FILIP1: variants seen among roughly 807,000 people sequenced by gnomAD.
FILIP1 encodes filamin-A-interacting protein 1.
In FILIP1, 61 loss-of-function variants were observed where a neutral mutation model predicts 102.1. The observed-to-expected ratio is 0.60, with a 90% CI of 0.49 to 0.74. The LOEUF (loss-of-function observed/expected upper bound fraction) is 0.74, where lower values mean the gene tolerates loss of function less well. Ranked by LOEUF, FILIP1 falls within the 30% of genes least tolerant of loss-of-function variation. FILIP1 has a pLI of 0.00. For missense variants in FILIP1, 1,314 were observed against 1,441.2 expected, an observed-to-expected ratio of 0.91 and a Z score of 1.43; for synonymous variants, 491 against 526.9, an observed-to-expected ratio of 0.93 and a Z score of 0.93.
At chr6:75,449,945 T>G (rs1401748853) in intron 1 of FILIP1, among the ~76,000 whole-genome samples, 1 of 152,086 alleles carries the variant, frequency 6.6e-6, no homozygotes, top group South Asian at 2.1e-4. Flanking sequence ...ACAATTTTCT[T>G]TTTTTAGAGA....
At chr6:75,298,059 A>G (rs1772732339) in intron 6 of FILIP1, among the ~76,000 whole-genome samples, 1 of 152,168 alleles carries the variant, frequency 6.6e-6, no homozygotes. Context: ...AGCATTTTGC[A>G]CAACTTAGAG....
At chr6:75,406,843 A>T (rs995006243) in intron 2 of FILIP1, among the ~76,000 whole-genome samples, 1 of 151,934 alleles carries the variant, frequency 6.6e-6, no homozygotes, top group Non-Finnish European at 1.5e-5. Context: ...TATTTTTAGT[A>T]GAGACAGGGT....
chr6:75,389,674 T>A (rs1391748955), intron 2 of FILIP1, among the ~76,000 whole-genome samples: 1 of 152,324 alleles, frequency 6.6e-6, no homozygotes, highest in Admixed American at 6.5e-5. Flanking sequence ...ACATTTGTAG[T>A]ATTCTCTGAT....
chr6:75,381,332 C>T lies in FILIP1; in HGVS notation c.277-18415G>A, dbSNP rs557572959. 3.1e-4 allele frequency among the ~76,000 whole-genome samples: 47 copies of T among 152,102 alleles called. No individual in the cohort carries two copies. The South Asian group carries it at 9.2e-3, about 30-fold the overall frequency. On this transcript the variant is annotated intron_variant, in intron 2 of 5. Transcript: ENST00000237172. ...GCAATCTCTGCCTCCCGGGTTCAAG[C>T]GATTCTCCTGCTTCAGCCTCCTGAG...
chr6:75,396,391 G>A (rs1347619557), intron 2 of FILIP1, among the ~76,000 whole-genome samples: 1 of 152,066 alleles, frequency 6.6e-6, no homozygotes, highest in Non-Finnish European at 1.5e-5. Flanking sequence ...AACCATGTGA[G>A]CGGTGGTGAG....
intron 3 of FILIP1, chr6:75,362,046 CT>C (rs1775187857): frequency 6.6e-6 from 1 of 152,154 alleles, no homozygotes; most frequent in Non-Finnish European, 1.5e-5. Context: ...TTTCTGTTCT[CT>C]TTTTTCATTC....
intron 2 of FILIP1, among the ~76,000 whole-genome samples, chr6:75,396,038 C>T (rs1465215719): frequency 6.6e-6 from 1 of 151,960 alleles, no homozygotes. Context: ...ACCTGGAACA[C>T]ATACAATCTT....
At chr6:75,332,693 T>C (rs1432111717) in intron 4 of FILIP1, among the ~76,000 whole-genome samples, 2 of 152,202 alleles carry the variant, frequency 1.3e-5, no homozygotes, top group Non-Finnish European at 1.5e-5. Context: ...GGTTTTTCAG[T>C]CCCTGAATTC....
At chr6:75,374,100 T>G (rs973662532) in intron 2 of FILIP1, among the ~76,000 whole-genome samples, 1 of 152,234 alleles carries the variant, frequency 6.6e-6, no homozygotes, top group African/African-American at 2.4e-5. Flanking sequence ...CGGATTTGAA[T>G]GCATTTTTAT....
intron 2 of FILIP1, among the ~76,000 whole-genome samples, chr6:75,401,163 C>A (rs1309018861): frequency 6.6e-6 from 1 of 152,078 alleles, no homozygotes; most frequent in Non-Finnish European, 1.5e-5. Context: ...CAACCCTCAC[C>A]ATTCCTTGGA....
At chr6:75,364,594 C>T (rs1168170693) in intron 2 of FILIP1, among the ~76,000 whole-genome samples, 1 of 152,158 alleles carries the variant, frequency 6.6e-6, no homozygotes, top group East Asian at 1.9e-4. Context: ...ATTCACAATG[C>T]TGACTGTGCT....
chr6:75,325,417 G>A (rs1277224555), intron 4 of FILIP1, among the ~76,000 whole-genome samples: 1 of 152,064 alleles, frequency 6.6e-6, no homozygotes, highest in Non-Finnish European at 1.5e-5. Context: ...GCGAGACTCT[G>A]TCTCAAAAAA....
In FILIP1 at chr6:75,308,608, G is replaced by T; in HGVS notation, c.*83C>A. The T allele has an allele frequency of 1.8e-5, 28 of 1,575,602 alleles. No individual in the cohort carries two copies. The highest frequency in any genetic ancestry group is 2.4e-5 in the Non-Finnish European group (28 of 1,161,324). ...ATATTTAAAACTTAAATTAGTACAT[G>T]TAAAGAACTGGCACAAACAGATGAA... is the stretch of plus-strand genomic sequence containing the variant. On this transcript the variant is annotated 3_prime_UTR_variant, in exon 6 of 6. Transcript: ENST00000237172.
intron 2 of FILIP1, among the ~76,000 whole-genome samples, chr6:75,363,293 A>G (rs79350147): frequency 3.9e-5 from 6 of 152,320 alleles, no homozygotes; most frequent in South Asian, 2.1e-4. Flanking sequence ...CTAGTTTTCT[A>G]TTGATGTTCT....
chr6:75,292,653 G>A (rs1772571826), exon 7 of FILIP1: 3 of 152,044 alleles, frequency 2.0e-5, no homozygotes, highest in Admixed American at 6.6e-5. Flanking sequence ...TTTTAGCAGA[G>A]GCATAGCACT....
intron 1 of FILIP1, among the ~76,000 whole-genome samples, chr6:75,456,804 C>A (rs761138072): frequency 6.6e-6 from 1 of 152,038 alleles, no homozygotes; most frequent in Admixed American, 6.5e-5. Flanking sequence ...GTGATCCGCG[C>A]GGGTCGGCCT....
rs779822620 is a variant in FILIP1, at chr6:75,455,788, A to G, written c.-7+37626T>C. Among the ~76,000 whole-genome samples the G allele has an allele frequency of 5.0e-4, 76 of 152,298 alleles. 1 individual carries two copies. Among genetic ancestry groups the G allele is most frequent in the Middle Eastern group, 6.8e-3 (2 of 294 alleles). Reference sequence around the variant, plus strand: ...TTGATACATTTACCTTTCAAATCAAATCACCAGTGAATTACTGAACGGCTA... The same window carrying G: ...TTGATACATTTACCTTTCAAATCAAGTCACCAGTGAATTACTGAACGGCTA... On this transcript the variant is annotated intron_variant, in intron 1 of 5. Coordinates refer to ENST00000237172, the MANE Select transcript of FILIP1 (RefSeq NM_015687.5).
chr6:75,431,627 G>A (rs909836296), intron 1 of FILIP1, among the ~76,000 whole-genome samples: 1 of 152,132 alleles, frequency 6.6e-6, no homozygotes, highest in Non-Finnish European at 1.5e-5. Context: ...AGATTTGCCA[G>A]ACAGCTGACA....
chr6:75,345,134 T>C (rs962143570), intron 4 of FILIP1, among the ~76,000 whole-genome samples: 3 of 152,292 alleles, frequency 2.0e-5, no homozygotes, highest in African/African-American at 4.8e-5. Context: ...CATTCCTACA[T>C]AGCTTGTTGA....
Sources: gnomAD v4.1 joint callset for allele counts (sites outside exome capture counted in the v4.1 genomes callset) on GRCh38, gnomAD v4.1.1 for gene constraint, MANE v1.5 for transcripts, NCBI Gene and HGNC (gene_info 2026-07-23, HGNC 2026-07-21) for gene names.